SMG6: variants seen among roughly 807,000 people sequenced by gnomAD.
The protein encoded by SMG6 is SMG6 nonsense mediated mRNA decay factor, also known as telomerase-binding protein EST1A.
Under a neutral mutation model 142.2 loss-of-function variants are expected in SMG6, and 66 were observed. The observed-to-expected ratio is 0.46, with a 90% CI of 0.38 to 0.57. The LOEUF is 0.57. SMG6 is among the 20% of genes least tolerant of loss of function. The pLI is 0.00. For synonymous variants in SMG6, 779 were observed against 702.4 expected (o/e 1.11, Z -1.72); for missense variants, 1,793 against 1,832.0 (o/e 0.98, Z 0.39).
At chr17:2,114,963 ATG>A (rs1491518277) in intron 13 of SMG6, among the ~76,000 whole-genome samples, 7 of 116,590 alleles carry the variant, frequency 6.0e-5, no homozygotes, top group African/African-American at 1.8e-4. Context: ...AAAAAATGAA[ATG>A]AAATGAAATA....
In SMG6 at chr17:2,188,386, T is replaced by G; in HGVS notation, c.2986+13A>C. 3.1e-6 allele frequency: 5 copies of G among 1,611,942 alleles called. No individual in the cohort carries two copies. The highest frequency in any genetic ancestry group is 3.4e-6 in the Non-Finnish European group (4 of 1,178,450). ...CTGGAAAGCCCACCAGGCTGGGGAC[T>G]CCTCCTGCTTACCTTTGGCGGACTC... is the stretch of plus-strand genomic sequence containing the variant. On this transcript the variant is annotated intron_variant, in intron 11 of 18. Transcript: ENST00000263073.
At chr17:2,181,150 C>T (rs1309421462) in intron 12 of SMG6, among the ~76,000 whole-genome samples, 2 of 152,230 alleles carry the variant, frequency 1.3e-5, no homozygotes, top group African/African-American at 2.4e-5. Flanking sequence ...TTGAAACCCA[C>T]AAAAGCACCA....
At position 2,068,275 on chromosome 17, in the gene SMG6, G is replaced by A. The variant is rs2068004701; in HGVS notation, c.3835+503C>T. 6.6e-6 allele frequency among the ~76,000 whole-genome samples: 1 copy of A among 152,204 alleles called. No homozygotes were observed. Among genetic ancestry groups the A allele is most frequent in the African/African-American group, 2.4e-5 (1 of 41,446 alleles). ...ATGAGCCAAGGGCTTGCTCTGGAGGGTTCCTGCTGGCCTAGCCTTAGGGTG... is the reference window on the plus strand; with the variant it reads ...ATGAGCCAAGGGCTTGCTCTGGAGGATTCCTGCTGGCCTAGCCTTAGGGTG... On this transcript the variant is annotated intron_variant, in intron 16 of 18. Transcript: ENST00000263073. The surrounding 1 kb of genome is among the most constrained non-coding windows in gnomAD (Gnocchi z 6.7).
chr17:2,245,513 T>A (rs2073909273), intron 8 of SMG6, among the ~76,000 whole-genome samples: 1 of 152,158 alleles, frequency 6.6e-6, no homozygotes, highest in Non-Finnish European at 1.5e-5. Flanking sequence ...GCCACTCAAG[T>A]AGCTGGGATT....
Position 2,179,072 on chromosome 17 carries a change from C to T in SMG6, c.3156-6213G>A, listed in dbSNP as rs118114776. On this transcript the variant is annotated intron_variant, in intron 12 of 18. Transcript: ENST00000263073. ...CGTGGGGAGGGGACAGGGGCTCCTG[C>T]CGTGGGAGAGATCACGTGTGCCCCA... 8.4e-3 allele frequency among the ~76,000 whole-genome samples: 1,283 copies of T among 152,242 alleles called. 9 individuals carry two copies. The highest frequency in any genetic ancestry group is 0.014 in the Non-Finnish European group (919 of 68,002).
chr17:2,303,670 C>T lies in SMG6; in HGVS notation c.51G>A (p.Gly17=), dbSNP rs1464900181. 1.3e-6 allele frequency: 2 copies of T among 1,493,946 alleles called. No individual in the cohort carries two copies. Among genetic ancestry groups the T allele is most frequent in the Non-Finnish European group, 1.8e-6 (2 of 1,128,292 alleles). The allele number at this position is 1,493,946 out of a possible 1,614,324, so 92.5% of individuals were successfully genotyped here. A position where few individuals can be genotyped will look rare whatever the true frequency, so the allele number is the denominator to read the frequency against. The change falls in exon 1 of 19, where the codon GGG becomes GGA. Residue 17 remains glycine, a synonymous_variant. Transcript: ENST00000263073. The part of the protein sequence containing the change: ...RVRISASELR[G]ILATLAPQAG... ...CCTGCGGGGCCAGAGTAGCCAGGAT[C>T]CCGCGCAGCTCCGACGCGGAGATCC... is the stretch of plus-strand genomic sequence containing the variant.
rs2073658722 is a variant in SMG6 at position 2,236,533 on chromosome 17, A to G, written c.2828T>C (p.Met943Thr). ...GTGTACTGCAAACATATTGATGGTC[A>G]TAAGCTGCAGCATGCGGGTACTTCC... ...PIGSTRMLQLMTINMFAVHNS... is the reference protein window; with the variant it reads ...PIGSTRMLQLTTINMFAVHNS... Residue 943 changes from methionine (M) to threonine (T), a missense_variant, in exon 10 of 19, where the codon ATG becomes ACG. Physicochemically the swap from Met to Thr is moderately conservative, Grantham distance 81. Transcript: ENST00000263073. 6.2e-7 allele frequency: 1 copy of G among 1,613,492 alleles called. No homozygotes were observed. Among genetic ancestry groups the G allele is most frequent in the African/African-American group, 1.3e-5 (1 of 74,900 alleles).
At chr17:2,250,604 C>G (rs767277995) in intron 8 of SMG6, among the ~76,000 whole-genome samples, 40 of 151,976 alleles carry the variant, frequency 2.6e-4, no homozygotes, top group Non-Finnish European at 3.1e-4. Flanking sequence ...CAAGGAGTCT[C>G]AAACTCCTGG....
chr17:2,147,477 G>A (rs532008025), intron 13 of SMG6, among the ~76,000 whole-genome samples: 55 of 151,814 alleles, frequency 3.6e-4, no homozygotes, highest in African/African-American at 1.3e-3. Context: ...TGGTGCACAC[G>A]AGTAGTCTCA....
chr17:2,259,119 G>A (rs558816699), intron 8 of SMG6, among the ~76,000 whole-genome samples: 1 of 151,584 alleles, frequency 6.6e-6, no homozygotes, highest in African/African-American at 2.4e-5. Flanking sequence ...GCAGAACCGA[G>A]ACAGACACGG....
chr17:2,199,860 T>G (rs932309451), intron 10 of SMG6: 10 of 150,386 alleles, frequency 6.6e-5, no homozygotes, highest in African/African-American at 2.4e-4. Context: ...TGAACTGAGA[T>G]TGTGCCACCG....
chr17:2,111,480 T>C (rs968313027), intron 13 of SMG6, among the ~76,000 whole-genome samples: 2 of 152,112 alleles, frequency 1.3e-5, no homozygotes, highest in Non-Finnish European at 2.9e-5. Flanking sequence ...GGTGTGATCA[T>C]AGCTCACTGC....
At chr17:2,285,710 G>T (rs543069412) in intron 6 of SMG6, among the ~76,000 whole-genome samples, 1 of 151,932 alleles carries the variant, frequency 6.6e-6, no homozygotes, top group Admixed American at 6.6e-5. Flanking sequence ...GTCTCGCTCT[G>T]TCATCCAGGC....
intron 8 of SMG6, among the ~76,000 whole-genome samples, chr17:2,245,582 G>A (rs901039194): frequency 6.6e-6 from 1 of 152,108 alleles, no homozygotes; most frequent in Non-Finnish European, 1.5e-5. Flanking sequence ...ACGGGGTTTT[G>A]CCATGTCGGC....
chr17:2,182,086 C>T (rs2151675711), intron 12 of SMG6, among the ~76,000 whole-genome samples: 1 of 152,276 alleles, frequency 6.6e-6, no homozygotes, highest in African/African-American at 2.4e-5. Context: ...GCCTCCCCAC[C>T]CTGAGAGTAA....
intron 12 of SMG6, among the ~76,000 whole-genome samples, chr17:2,178,844 C>T (rs967672872): frequency 2.6e-5 from 4 of 152,150 alleles, no homozygotes; most frequent in African/African-American, 7.2e-5. Flanking sequence ...CTCCCTGGTG[C>T]GGATTCTCAC....
intron 10 of SMG6, among the ~76,000 whole-genome samples, chr17:2,190,881 C>A (rs1360374163): frequency 6.6e-6 from 1 of 152,192 alleles, no homozygotes; most frequent in Non-Finnish European, 1.5e-5. Flanking sequence ...TAAGCAGTAA[C>A]TGTTCTGCTG....
intron 10 of SMG6, among the ~76,000 whole-genome samples, chr17:2,216,395 G>A (rs557860491): frequency 2.0e-5 from 3 of 152,296 alleles, no homozygotes; most frequent in South Asian, 2.1e-4. Context: ...GATTTAAACC[G>A]TGATTTCTCA....
At chr17:2,273,127 T>C (rs987129279) in intron 8 of SMG6, among the ~76,000 whole-genome samples, 2 of 152,198 alleles carry the variant, frequency 1.3e-5, no homozygotes, top group African/African-American at 2.4e-5. Flanking sequence ...CATTCAGCTA[T>C]GAGTTATAGT....
Sources: allele counts gnomAD v4.1 joint callset (sites outside exome capture counted in the v4.1 genomes callset), GRCh38; gene constraint gnomAD v4.1.1; non-coding constraint Gnocchi (gnomAD v3.1); transcripts MANE v1.5; gene names NCBI Gene and HGNC (gene_info 2026-07-23, HGNC 2026-07-21).